The following SLC9A8 variants were observed in gnomAD, a reference collection of about 807,000 sequenced individuals.
SLC9A8 encodes sodium/hydrogen exchanger 8.
SLC9A8 carries 48 observed loss-of-function variants against 66.6 expected under a neutral mutation model. That is an observed-to-expected ratio of 0.72 (90% CI 0.57 to 0.92). SLC9A8 has a LOEUF of 0.92. Among genes scored for constraint, SLC9A8 ranks in the 40% least tolerant of loss-of-function variants. The pLI, the probability that SLC9A8 is intolerant of heterozygous loss-of-function variation, is 0.00. For synonymous variants in SLC9A8, 274 were observed against 282.6 expected (o/e 0.97, Z 0.31); for missense variants, 599 against 747.3 (o/e 0.80, Z 2.31).
chr20:49,888,081 C>T lies in SLC9A8; in HGVS notation c.*145C>T, dbSNP rs1013561053. 2.2e-5 allele frequency: 14 copies of T among 630,080 alleles called. No homozygotes were observed. Among genetic ancestry groups the T allele is most frequent in the African/African-American group, 1.8e-4 (10 of 54,206 alleles). The allele number at this position is 630,080 out of a possible 1,614,324, so 39.0% of individuals were successfully genotyped here. ...CGGGGCGAGGTACTGGCTGCAGAGT[C>T]GCCTTAGTCCAGAACCTGACAGGCC... On this transcript the variant is annotated 3_prime_UTR_variant, in exon 16 of 16. Transcript: ENST00000361573.
intron 11 of SLC9A8, among the ~76,000 whole-genome samples, chr20:49,877,332 TATGCTGTTC>T (rs2089462264): frequency 6.6e-6 from 1 of 152,050 alleles, no homozygotes; most frequent in Non-Finnish European, 1.5e-5. Flanking sequence ...CTTTAGTCAT[TATGCTGTTC>T]TGAGGGCCAT....
At chr20:49,857,763 C>T (rs575167672) in intron 8 of SLC9A8, among the ~76,000 whole-genome samples, 1 of 152,266 alleles carries the variant, frequency 6.6e-6, no homozygotes, top group Admixed American at 6.5e-5. Flanking sequence ...AAGCATCCAG[C>T]ATTGGGTAAT....
intron 4 of SLC9A8, among the ~76,000 whole-genome samples, chr20:49,841,120 C>T (rs1305818511): frequency 1.3e-5 from 2 of 152,052 alleles, no homozygotes; most frequent in African/African-American, 4.8e-5. Context: ...GCCTGGCCAA[C>T]ATGGTGAAAC....
At chr20:49,866,950 A>G (rs2088995611) in intron 10 of SLC9A8, among the ~76,000 whole-genome samples, 1 of 152,136 alleles carries the variant, frequency 6.6e-6, no homozygotes, top group African/African-American at 2.4e-5. Flanking sequence ...AGATCCCTTT[A>G]GGTTATTTTC....
intron 14 of SLC9A8, among the ~76,000 whole-genome samples, chr20:49,884,698 A>G (rs1406104927): frequency 6.6e-6 from 1 of 152,136 alleles, no homozygotes; most frequent in Non-Finnish European, 1.5e-5. Context: ...CCCCAAGGAC[A>G]GACATGGTGT....
chr20:49,822,968 C>G, intron 2 of SLC9A8, 93 bp from the exon 3 acceptor site: 1 of 971,688 alleles, frequency 1.0e-6, no homozygotes. Flanking sequence ...TCTGTGAGGA[C>G]CCCCCCAGAA....
Position 49,845,116 on chromosome 20 carries a change from C to G in SLC9A8, c.429C>G (p.His143Gln). Residue 143 changes from histidine to glutamine, a missense_variant, in exon 5 of 16, where the codon CAC becomes CAG. Physicochemically the swap from His to Gln is conservative, Grantham distance 24. This residue lies in a region of SLC9A8 where 467 missense variants were observed against 626.5 expected (regional missense o/e 0.75). Transcript: ENST00000361573. ...TCTTTGAGTCTGGATATTCATTACACAAGGTGAGACTCAGGCACACATTGG... is the reference window on the plus strand; with the variant it reads ...TCTTTGAGTCTGGATATTCATTACAGAAGGTGAGACTCAGGCACACATTGG... ...PIIFESGYSL[H>Q]KGNFFQNIGS... 1 of 1,607,020 alleles carries G rather than the reference C, an allele frequency of 6.2e-7. No homozygotes were observed. The highest frequency in any genetic ancestry group is 8.5e-7 in the Non-Finnish European group (1 of 1,173,546).
intron 3 of SLC9A8, among the ~76,000 whole-genome samples, chr20:49,828,571 C>G (rs2087019997): frequency 6.7e-6 from 1 of 149,122 alleles, no homozygotes; most frequent in Non-Finnish European, 1.5e-5. Flanking sequence ...GGCACAGTGG[C>G]TCATGCCTGT....
chr20:49,877,633 A>T (rs1392379096), intron 11 of SLC9A8, among the ~76,000 whole-genome samples: 1 of 152,178 alleles, frequency 6.6e-6, no homozygotes, highest in African/African-American at 2.4e-5. Flanking sequence ...AATTTTTGCC[A>T]CTTTGCCGCA....
chr20:49,830,962 G>A (rs996311177), intron 3 of SLC9A8: 14 of 777,702 alleles, frequency 1.8e-5, no homozygotes, highest in Non-Finnish European at 2.6e-5. Context: ...TAGCCATTGC[G>A]CTGGGCAATG....
intron 10 of SLC9A8, among the ~76,000 whole-genome samples, chr20:49,872,718 CT>C (rs1392620803): frequency 6.6e-6 from 1 of 152,092 alleles, no homozygotes; most frequent in Non-Finnish European, 1.5e-5. Context: ...AATTCCTGAC[CT>C]CGTGATTCAC....
At chr20:49,849,758 G>A in intron 6 of SLC9A8, 78 bp downstream of exon 6, 1 of 1,159,588 alleles carries the variant, frequency 8.6e-7, no homozygotes, top group South Asian at 1.2e-5. Flanking sequence ...AGGTGAAATG[G>A]GGCCACTTTG....
chr20:49,880,115 G>A (rs1413840319), intron 12 of SLC9A8, among the ~76,000 whole-genome samples: 1 of 151,504 alleles, frequency 6.6e-6, no homozygotes, highest in Non-Finnish European at 1.5e-5. Context: ...ATTTTAAAAA[G>A]TAGCCAGGCA....
intron 9 of SLC9A8, among the ~76,000 whole-genome samples, chr20:49,863,501 G>A (rs1463191509): frequency 2.0e-5 from 3 of 152,238 alleles, no homozygotes; most frequent in East Asian, 1.9e-4. Context: ...GATTGCTTTC[G>A]CCCAGGAGTT....
At position 49,886,660 on chromosome 20, in the gene SLC9A8, C is replaced by T; in HGVS notation, c.1492-92C>T. 6.9e-7 allele frequency: 1 copy of T among 1,458,690 alleles called. No homozygotes were observed. The allele number at this position is 1,458,690 out of a possible 1,614,324, so 90.4% of individuals were successfully genotyped here. A position where few individuals can be genotyped will look rare whatever the true frequency, so the allele number is the denominator to read the frequency against. ...GGTCAAGTGGAGTTAGGGTTGGGGACACTGGCGGCCTGGGTGGTGTGGGGG... is the reference window on the plus strand; with the variant it reads ...GGTCAAGTGGAGTTAGGGTTGGGGATACTGGCGGCCTGGGTGGTGTGGGGG... On this transcript the variant is annotated intron_variant, in intron 14 of 15. Transcript: ENST00000361573. This position sits in a 1 kb window ranked among gnomAD's most constrained non-coding sequence, Gnocchi z 4.8.
intron 4 of SLC9A8, among the ~76,000 whole-genome samples, chr20:49,843,788 C>A (rs2087864338): frequency 6.6e-6 from 1 of 152,148 alleles, no homozygotes; most frequent in Non-Finnish European, 1.5e-5. Flanking sequence ...TTTGTCTCCC[C>A]AAACCTCATG....
In SLC9A8 at chr20:49,850,195, A is replaced by G. The variant is rs145434517; in HGVS notation, c.534+515A>G. Among the ~76,000 whole-genome samples the G allele has an allele frequency of 7.5e-3, 1,147 of 152,336 alleles. 14 individuals are homozygous for G. The highest frequency in any genetic ancestry group is 0.026 in the African/African-American group (1,092 of 41,560). On this transcript the variant is annotated intron_variant, in intron 6 of 15. Transcript: ENST00000361573. ...AATTATATACTCTGGATTTTCCACA[A>G]TTGCTAAACCACTTCCCAGTGGCAC... is the stretch of plus-strand genomic sequence containing the variant.
intron 1 of SLC9A8, among the ~76,000 whole-genome samples, chr20:49,813,691 T>C (rs1368735027): frequency 1.3e-5 from 2 of 152,102 alleles, no homozygotes; most frequent in Admixed American, 6.5e-5. Context: ...GGAAGCAAAA[T>C]AGAGTTAAGG....
chr20:49,822,184 G>T (rs1191720296), intron 2 of SLC9A8, among the ~76,000 whole-genome samples: 2 of 152,170 alleles, frequency 1.3e-5, no homozygotes, highest in Non-Finnish European at 2.9e-5. Context: ...GCACCCAGCT[G>T]GGGAGCAGGA....
Sources: allele counts gnomAD v4.1 joint callset (sites outside exome capture counted in the v4.1 genomes callset), GRCh38; gene constraint gnomAD v4.1.1; regional missense constraint gnomAD v4.1.1; non-coding constraint Gnocchi (gnomAD v3.1); transcripts MANE v1.5; gene names NCBI Gene and HGNC (gene_info 2026-07-23, HGNC 2026-07-21).